The following PLEKHD1 variants were observed in gnomAD, a reference collection of about 807,000 sequenced individuals.
PLEKHD1 encodes pleckstrin homology and coiled-coil domain containing D1.
Under a neutral mutation model 69.2 loss-of-function variants are expected in PLEKHD1, and 51 were observed. The ratio of observed to expected loss-of-function variants is 0.74; its 90% CI spans 0.59 to 0.93. PLEKHD1 has a LOEUF of 0.93. Ranked by LOEUF, PLEKHD1 falls within the 40% of genes least tolerant of loss-of-function variation. The pLI, the probability that PLEKHD1 is intolerant of heterozygous loss-of-function variation, is 0.00. For synonymous variants in PLEKHD1, 236 were observed against 244.7 expected (o/e 0.96, Z 0.33); for missense variants, 584 against 641.0 (o/e 0.91, Z 0.96).
At position 69,500,056 on chromosome 14, in the gene PLEKHD1, C is replaced by T. The variant is rs554265845; in HGVS notation, c.150-59C>T. On this transcript the variant is annotated intron_variant, in intron 1 of 12. Coordinates refer to ENST00000322564, the MANE Select transcript of PLEKHD1 (RefSeq NM_001161498.2). Reference sequence around the variant, plus strand: ...GGGCCCCCAAGGGTGCTCTTGTTGTCCCAAGAAACCTCACCCCTTCTCTCC... The same window carrying T: ...GGGCCCCCAAGGGTGCTCTTGTTGTTCCAAGAAACCTCACCCCTTCTCTCC... 7.7e-5 allele frequency: 97 copies of T among 1,261,036 alleles called. No individual in the cohort carries two copies. The African/African-American group carries it at 1.1e-3, about 14-fold the overall frequency. The allele number at this position is 1,261,036 out of a possible 1,614,324, so 78.1% of individuals were successfully genotyped here.
At chr14:69,495,063 T>C (rs1882857496) in intron 1 of PLEKHD1, among the ~76,000 whole-genome samples, 1 of 152,206 alleles carries the variant, frequency 6.6e-6, no homozygotes. Flanking sequence ...GCATGTGTGA[T>C]GTGTGGGCCC....
intron 6 of PLEKHD1, 118 bp from the exon 7 acceptor site, chr14:69,522,165 C>T: frequency 2.3e-6 from 2 of 885,666 alleles, no homozygotes; most frequent in East Asian, 2.7e-5. Context: ...CGGTCTGGTG[C>T]AGCACATGAC....
the PLEKHD1 span, among the ~76,000 whole-genome samples, chr14:69,473,017 C>T: frequency 6.6e-6 from 1 of 152,318 alleles, no homozygotes; most frequent in East Asian, 1.9e-4. Flanking sequence ...TGATCCATCA[C>T]CGTCTCCCAT....
At chr14:69,473,705 AG>A in the PLEKHD1 span, among the ~76,000 whole-genome samples, 11 of 152,338 alleles carry the variant, frequency 7.2e-5, no homozygotes, top group African/African-American at 2.6e-4. Flanking sequence ...ACAAGAATTG[AG>A]GAATCCCGAC....
At chr14:69,505,757 C>T (rs1004523854) in intron 6 of PLEKHD1, among the ~76,000 whole-genome samples, 2 of 152,228 alleles carry the variant, frequency 1.3e-5, no homozygotes, top group Non-Finnish European at 2.9e-5. Context: ...ACAGTCCTGA[C>T]ATCCTCCATG....
At chr14:69,504,156 A>T (rs1883099830) in intron 6 of PLEKHD1, among the ~76,000 whole-genome samples, 1 of 152,254 alleles carries the variant, frequency 6.6e-6, no homozygotes, top group African/African-American at 2.4e-5. Context: ...TTTGGCACAT[A>T]GTACATGCTT....
chr14:69,522,450 TGAG>T, intron 7 of PLEKHD1, 73 bp downstream of exon 7: 1 of 1,460,398 alleles, frequency 6.8e-7, no homozygotes, highest in East Asian at 2.5e-5. Flanking sequence ...CCGTCAGATC[TGAG>T]GAGGCCTCCA....
chr14:69,483,152 G>A (rs1327060894), upstream of PLEKHD1, among the ~76,000 whole-genome samples: 2 of 152,182 alleles, frequency 1.3e-5, no homozygotes, highest in East Asian at 1.9e-4. Context: ...GGGGGCCTGA[G>A]CCATGAGAGA....
intron 1 of PLEKHD1, among the ~76,000 whole-genome samples, chr14:69,489,619 G>GTACC (rs1182503708): frequency 6.6e-6 from 1 of 150,596 alleles, no homozygotes; most frequent in African/African-American, 2.4e-5. Context: ...TTAGAGGCAG[G>GTACC]TGCTCCAAGT....
At position 69,505,303 on chromosome 14, in the gene PLEKHD1, T is replaced by C. The variant is rs75011269; in HGVS notation, c.555+2424T>C. Among the ~76,000 whole-genome samples the C allele has an allele frequency of 5.6e-3, 855 of 152,346 alleles. 2 individuals carry two copies. Among genetic ancestry groups the C allele is most frequent in the Non-Finnish European group, 9.7e-3 (658 of 68,022 alleles). ...GAGCTCAGGTTCTAGTCTTTGCCACTGAGTCATTCAGTCAAAGTTTCTTCT... is the reference window on the plus strand; with the variant it reads ...GAGCTCAGGTTCTAGTCTTTGCCACCGAGTCATTCAGTCAAAGTTTCTTCT... On this transcript the variant is annotated intron_variant, in intron 6 of 12. Coordinates refer to ENST00000322564, the MANE Select transcript of PLEKHD1 (RefSeq NM_001161498.2).
intron 6 of PLEKHD1, among the ~76,000 whole-genome samples, chr14:69,514,745 C>T (rs985050656): frequency 6.6e-6 from 1 of 152,014 alleles, no homozygotes; most frequent in Admixed American, 6.6e-5. Context: ...GTGAGTTGCG[C>T]CCCTGGACTG....
At chr14:69,511,428 G>A (rs926886506) in intron 6 of PLEKHD1, among the ~76,000 whole-genome samples, 2 of 152,124 alleles carry the variant, frequency 1.3e-5, no homozygotes, top group African/African-American at 2.4e-5. Flanking sequence ...AAAGTGCTGG[G>A]TTTACAGGCA....
At chr14:69,512,505 T>C (rs1214022671) in intron 6 of PLEKHD1, among the ~76,000 whole-genome samples, 1 of 152,076 alleles carries the variant, frequency 6.6e-6, no homozygotes, top group African/African-American at 2.4e-5. Flanking sequence ...ATTTCTTCTT[T>C]TCTAATATAT....
rs4902723 is a variant in PLEKHD1 at position 69,500,133 on chromosome 14, G to C, written c.168G>C (p.Glu56Asp). The C allele has an allele frequency of 3.9e-6, 6 of 1,548,914 alleles. No individual in the cohort carries two copies. The highest frequency in any genetic ancestry group is 4.4e-6 in the Non-Finnish European group (5 of 1,144,730). ...KWSRRFFIIK[E>D]SFLLYYSESE... ...ACTATAGGTTTTTCATCATCAAAGA[G>C]AGCTTTCTGCTTTACTACTCTGAGA... The change falls in exon 2 of 13, where the codon GAG becomes GAC. Residue 56 changes from glutamate to aspartate, a missense_variant. By Grantham distance (45) the Glu-to-Asp change is conservative. Transcript: ENST00000322564.
chr14:69,503,032 C>T (rs1174714091), intron 6 of PLEKHD1, 153 bp downstream of exon 6: 10 of 799,544 alleles, frequency 1.3e-5, no homozygotes, highest in African/African-American at 5.2e-5. Context: ...ACAGTGCTTG[C>T]TTGGGACTTG....
At chr14:69,479,946 A>G (rs1387126115), upstream of PLEKHD1, among the ~76,000 whole-genome samples, 1 of 152,208 alleles carries the variant, frequency 6.6e-6, no homozygotes, top group Admixed American at 6.5e-5. Flanking sequence ...GAAACAGGAA[A>G]TGGCAGCACC....
rs115408236 is a variant in PLEKHD1, at chr14:69,495,593, G to T, written c.150-4522G>T. ...TGGAATGAGGTGTGGTATGTGGAAA[G>T]TACTCTATAAATGTTAGCTTGATCA... On this transcript the variant is annotated intron_variant, in intron 1 of 12. Coordinates refer to ENST00000322564, the MANE Select transcript of PLEKHD1 (RefSeq NM_001161498.2). Among the ~76,000 whole-genome samples, 821 of 152,334 alleles carry T rather than the reference G, an allele frequency of 5.4e-3. 3 individuals carry two copies. Among genetic ancestry groups the T allele is most frequent in the Middle Eastern group, 0.014 (4 of 294 alleles).
At chr14:69,526,549 C>G (rs1166191999) in intron 9 of PLEKHD1, 148 bp from the exon 10 acceptor site, 1 of 914,850 alleles carries the variant, frequency 1.1e-6, no homozygotes, top group Non-Finnish European at 1.6e-6. Flanking sequence ...ATCTCATCCC[C>G]TGGGTGCCTG....
chr14:69,473,243 G>T, the PLEKHD1 span, among the ~76,000 whole-genome samples: 1 of 152,196 alleles, frequency 6.6e-6, no homozygotes, highest in Non-Finnish European at 1.5e-5. Flanking sequence ...CTGGTTCCTG[G>T]TGCCAAAAAA....
Sources: gnomAD v4.1 joint callset for allele counts (sites outside exome capture counted in the v4.1 genomes callset) on GRCh38, gnomAD v4.1.1 for gene constraint, MANE v1.5 for transcripts, NCBI Gene and HGNC (gene_info 2026-07-23, HGNC 2026-07-21) for gene names.